TBC1D5: variants seen among roughly 807,000 people sequenced by gnomAD.
The protein encoded by TBC1D5 is TBC1 domain family member 5.
TBC1D5 carries 75 observed loss-of-function variants against 100.3 expected under a neutral mutation model. The ratio of observed to expected loss-of-function variants is 0.75; its 90% CI spans 0.62 to 0.91. The LOEUF is 0.91. Among genes scored for constraint, TBC1D5 ranks in the 40% least tolerant of loss-of-function variants. The pLI, the probability that TBC1D5 is intolerant of heterozygous loss-of-function variation, is 0.00. For missense variants in TBC1D5, 910 were observed against 942.4 expected (o/e 0.97, Z 0.45); for synonymous variants, 323 against 325.6 (o/e 0.99, Z 0.09).
At chr3:17,584,558 T>C in intron 2 of TBC1D5, among the ~76,000 whole-genome samples, 1 of 152,216 alleles carries the variant, frequency 6.6e-6, no homozygotes, top group East Asian at 1.9e-4. Flanking sequence ...GGTTTTTTTT[T>C]CCTCTGTGAA....
chr3:17,331,183 C>A (rs1056587614), intron 13 of TBC1D5, among the ~76,000 whole-genome samples: 1 of 152,180 alleles, frequency 6.6e-6, no homozygotes, highest in South Asian at 2.1e-4. Context: ...AAACTCTTAA[C>A]CGAGATGGTA....
At chr3:17,420,526 A>C (rs1463391386) in intron 4 of TBC1D5, among the ~76,000 whole-genome samples, 1 of 152,192 alleles carries the variant, frequency 6.6e-6, no homozygotes, top group Non-Finnish European at 1.5e-5. Context: ...AATAAGCAAG[A>C]TATTGGTGAA....
chr3:17,178,301 G>A (rs1053795907), intron 19 of TBC1D5, among the ~76,000 whole-genome samples: 42 of 151,952 alleles, frequency 2.8e-4, no homozygotes, highest in Non-Finnish European at 5.1e-4. Flanking sequence ...TCCTGACCTC[G>A]TGATCCACCC....
chr3:17,467,286 C>CTTTTTTTTTTTTTTTTTATTT (rs2095315921), intron 3 of TBC1D5, among the ~76,000 whole-genome samples: 1 of 121,288 alleles, frequency 8.2e-6, no homozygotes, highest in Non-Finnish European at 1.7e-5. Flanking sequence ...GCCAGACCTT[C>CTTTTTTTTTTTTTTTTTATTT]TTTTTTTTTT....
intron 13 of TBC1D5, among the ~76,000 whole-genome samples, chr3:17,335,193 T>C: frequency 6.6e-6 from 1 of 152,104 alleles, no homozygotes; most frequent in East Asian, 1.9e-4. Context: ...TGACCCTAAC[T>C]AACAGGGGAA....
chr3:17,221,970 C>T (rs2148669904), intron 17 of TBC1D5, among the ~76,000 whole-genome samples: 1 of 152,276 alleles, frequency 6.6e-6, no homozygotes, highest in African/African-American at 2.4e-5. Context: ...ATCTTCAGTT[C>T]TTTCATAATT....
At chr3:17,455,088 A>C (rs562134170) in intron 3 of TBC1D5, among the ~76,000 whole-genome samples, 9 of 150,668 alleles carry the variant, frequency 6.0e-5, no homozygotes, top group African/African-American at 2.2e-4. Flanking sequence ...AAGTAGAAAA[A>C]ACTGTCCTAA....
At chr3:17,195,754 CTTTTT>C (rs35636355) in intron 18 of TBC1D5, among the ~76,000 whole-genome samples, 4 of 144,538 alleles carry the variant, frequency 2.8e-5, no homozygotes, top group Admixed American at 6.9e-5. Context: ...ATATTTCTTT[CTTTTT>C]TTTTTTTTTT....
chr3:17,490,828 T>C (rs13095571), intron 3 of TBC1D5, among the ~76,000 whole-genome samples: 60,786 of 152,086 alleles, frequency 0.4, 12,845 homozygotes, highest in Middle Eastern at 0.48. Context: ...TTTAAAAGTT[T>C]TTTCTAATAT....
At chr3:17,518,262 G>A (rs904308322) in intron 2 of TBC1D5, among the ~76,000 whole-genome samples, 14 of 152,084 alleles carry the variant, frequency 9.2e-5, no homozygotes, top group South Asian at 2.1e-4. Context: ...TTTCCCACTC[G>A]AATGTTGCCT....
At chr3:17,241,776 C>T (rs1576221518) in intron 16 of TBC1D5, among the ~76,000 whole-genome samples, 2 of 152,142 alleles carry the variant, frequency 1.3e-5, no homozygotes, top group Non-Finnish European at 1.5e-5. Flanking sequence ...GTCAACTGAT[C>T]TCAATTTCTG....
At chr3:17,536,437 T>C (rs888757308) in intron 2 of TBC1D5, among the ~76,000 whole-genome samples, 1 of 152,228 alleles carries the variant, frequency 6.6e-6, no homozygotes, top group Non-Finnish European at 1.5e-5. Context: ...AATTTAATGT[T>C]ACCAAATACG....
chr3:17,742,289 C>T (rs937338660), upstream of TBC1D5, among the ~76,000 whole-genome samples: 1 of 152,256 alleles, frequency 6.6e-6, no homozygotes, highest in Middle Eastern at 3.4e-3. Flanking sequence ...GGCGGCGGCA[C>T]CCTCAGGCCC....
chr3:17,293,235 T>C (rs1024060673), intron 14 of TBC1D5, among the ~76,000 whole-genome samples: 9 of 152,320 alleles, frequency 5.9e-5, no homozygotes, highest in Non-Finnish European at 1.2e-4. Flanking sequence ...TTCAGTTACC[T>C]GCTGTCCTTT....
intron 8 of TBC1D5, among the ~76,000 whole-genome samples, chr3:17,384,882 T>C (rs1237631750): frequency 2.0e-5 from 3 of 152,068 alleles, no homozygotes; most frequent in African/African-American, 4.8e-5. Flanking sequence ...TTTCCAACTA[T>C]GGAAACACAG....
In TBC1D5 at chr3:17,374,394, T is replaced by C. The variant is rs2092613054; in HGVS notation, c.822+77A>G. 2.2e-6 allele frequency: 3 copies of C among 1,385,598 alleles called. No individual in the cohort carries two copies. The South Asian group carries it at 4.0e-5, about 19-fold the overall frequency. The allele number at this position is 1,385,598 out of a possible 1,614,324, so 85.8% of individuals were successfully genotyped here. On this transcript the variant is annotated intron_variant, in intron 12 of 21. Coordinates refer to ENST00000253692, the Ensembl canonical transcript of TBC1D5. ...CAATAATAAAGGCTATATACTATTC[T>C]TTGGTTACATGTTGTTATTTATTGA...
At chr3:17,419,215 T>C (rs1157248787) in intron 4 of TBC1D5, among the ~76,000 whole-genome samples, 1 of 152,236 alleles carries the variant, frequency 6.6e-6, no homozygotes, top group Admixed American at 6.5e-5. Flanking sequence ...AGTACAAGGA[T>C]AGCTAGCTGA....
At chr3:17,577,903 A>G (rs2096667609) in intron 2 of TBC1D5, among the ~76,000 whole-genome samples, 1 of 151,944 alleles carries the variant, frequency 6.6e-6, no homozygotes, top group Admixed American at 6.6e-5. Flanking sequence ...CCATTGTTCA[A>G]AAAAAGGAGA....
chr3:17,523,561 A>G (rs554330632), intron 2 of TBC1D5, among the ~76,000 whole-genome samples: 1 of 152,284 alleles, frequency 6.6e-6, no homozygotes, highest in Non-Finnish European at 1.5e-5. Flanking sequence ...GGTCAACTCA[A>G]AAAAGATTGT....
Sources: allele counts gnomAD v4.1 joint callset (sites outside exome capture counted in the v4.1 genomes callset), GRCh38; gene constraint gnomAD v4.1.1; transcripts MANE v1.5; gene names NCBI Gene and HGNC (gene_info 2026-07-23, HGNC 2026-07-21).